RNF14: variants seen among roughly 807,000 people sequenced by gnomAD.
The protein encoded by RNF14 is E3 ubiquitin-protein ligase RNF14.
Under a neutral mutation model 52.6 loss-of-function variants are expected in RNF14, and 26 were observed. The observed-to-expected ratio is 0.49, with a 90% CI of 0.36 to 0.69. The LOEUF is 0.69. Ranked by LOEUF, RNF14 falls within the 30% of genes least tolerant of loss-of-function variation. RNF14 has a pLI of 0.00. For synonymous variants in RNF14, 194 were observed against 202.0 expected (o/e 0.96, Z 0.34); for missense variants, 404 against 560.4 (o/e 0.72, Z 2.82).
chr5:141,973,857 G>A (rs7723712), intron 3 of RNF14, 115 bp downstream of exon 3: 1 of 825,216 alleles, frequency 1.2e-6, no homozygotes, highest in Non-Finnish European at 1.8e-6. Flanking sequence ...GTATTACAGA[G>A]GTAATGCATG....
intron 2 of RNF14, among the ~76,000 whole-genome samples, chr5:141,971,670 C>T (rs1753798205): frequency 8.1e-6 from 1 of 124,128 alleles, no homozygotes; most frequent in Non-Finnish European, 1.6e-5. Flanking sequence ...GAGACAGAGT[C>T]TGTCTCTGTC....
rs1386076858 is a variant in RNF14 at position 141,980,311 on chromosome 5, G to A, written c.1023G>A (p.Arg341=). The A allele has an allele frequency of 1.2e-6, 2 of 1,614,176 alleles. No homozygotes were observed. Reference sequence around the variant, plus strand: ...ATTTTGCCTTCTGTACTTTGTGCAGGTTGACCTACCATGGGGTCTCCCCAT... The same window carrying A: ...ATTTTGCCTTCTGTACTTTGTGCAGATTGACCTACCATGGGGTCTCCCCAT... The part of the protein sequence containing the change: ...SCNFAFCTLC[R]LTYHGVSPCK... Residue 341 remains arginine, a synonymous_variant, in exon 6 of 9, where the codon AGG becomes AGA. Transcript: ENST00000394520.
intron 4 of RNF14, among the ~76,000 whole-genome samples, 195 bp downstream of exon 4, chr5:141,975,150 A>G (rs555015368): frequency 6.6e-6 from 1 of 152,386 alleles, no homozygotes; most frequent in African/African-American, 2.4e-5. Context: ...AAGGAATGGC[A>G]GTAATTAAAA....
At chr5:141,955,363 C>T (rs754901453), upstream of RNF14, 30 of 1,613,954 alleles carry the variant, frequency 1.9e-5, no homozygotes, top group Non-Finnish European at 2.2e-5. The surrounding 1 kb of genome is among the most constrained non-coding windows in gnomAD (Gnocchi z 5.5). Context: ...TCCCTGGTTG[C>T]CTTGATTACG....
intron 1 of RNF14, among the ~76,000 whole-genome samples, chr5:141,961,205 G>A (rs1561538208): frequency 6.6e-6 from 1 of 150,948 alleles, no homozygotes; most frequent in Admixed American, 6.6e-5. Context: ...ATATCTGTTG[G>A]GTGTGTGTGT....
chr5:141,958,064 C>T (rs3747724), upstream of RNF14: 6,000 of 586,496 alleles, frequency 0.01, 186 homozygotes, highest in East Asian at 0.091. Context: ...GTCCAAACGC[C>T]GATCAAGAAT....
upstream of RNF14, chr5:141,956,403 C>T (rs2126929163): frequency 6.2e-7 from 1 of 1,614,226 alleles, no homozygotes; most frequent in African/African-American, 1.3e-5. Context: ...CATCATGAGC[C>T]TTGATGGTAA....
rs763956128 is a variant in RNF14 at position 141,978,305 on chromosome 5, A to G, written c.309A>G (p.Leu103=). 2.1e-5 allele frequency: 33 copies of G among 1,574,000 alleles called. No homozygotes were observed. The South Asian group carries it at 3.5e-4, about 17-fold the overall frequency. The change falls in exon 5 of 9, where the codon CTA becomes CTG. Residue 103 remains leucine, a splice_region_variant and synonymous_variant. Coordinates refer to ENST00000394520, the MANE Select transcript of RNF14 (RefSeq NM_004290.5). ...CATCTTCATGTGTTTTCTCCTAGCTATCTGCTCTATGCAAGCACTTAGACA... is the reference window on the plus strand; with the variant it reads ...CATCTTCATGTGTTTTCTCCTAGCTGTCTGCTCTATGCAAGCACTTAGACA... ...LSGKWLSPTQ[L]SALCKHLDNL...
chr5:141,982,513 A>G (rs191953447), intron 6 of RNF14: 5 of 152,368 alleles, frequency 3.3e-5, no homozygotes, highest in Admixed American at 6.5e-5. Flanking sequence ...TAACTAGAAC[A>G]TTGTTGAGAA....
chr5:141,960,982 G>T (rs1158484867), intron 1 of RNF14, among the ~76,000 whole-genome samples: 1 of 152,142 alleles, frequency 6.6e-6, no homozygotes, highest in African/African-American at 2.4e-5. Flanking sequence ...GGTGCCTGGG[G>T]TTCATAAATA....
At chr5:141,957,539 G>A (rs369687918), upstream of RNF14, 4 of 1,614,086 alleles carry the variant, frequency 2.5e-6, no homozygotes, top group African/African-American at 5.3e-5. This position sits in a 1 kb window ranked among gnomAD's most constrained non-coding sequence, Gnocchi z 4.3. Flanking sequence ...AAGGAAACCA[G>A]GCAGGGATCC....
chr5:141,971,563 T>TTTTCTTTCTTTCTTTCTTTC (rs746341507), intron 2 of RNF14, among the ~76,000 whole-genome samples: 16 of 55,086 alleles, frequency 2.9e-4, no homozygotes, highest in African/African-American at 1.0e-3. Flanking sequence ...GCTAATTTCT[T>TTTTCTTTCTTTCTTTCTTTC]TTTCTTTCTT....
chr5:141,982,115 T>C (rs1192172471), intron 6 of RNF14, among the ~76,000 whole-genome samples: 1 of 152,196 alleles, frequency 6.6e-6, no homozygotes, highest in African/African-American at 2.4e-5. Context: ...ACATTTCAAG[T>C]GTTTCACAGC....
chr5:141,980,729 A>G (rs965917648), intron 6 of RNF14, among the ~76,000 whole-genome samples: 7 of 152,212 alleles, frequency 4.6e-5, no homozygotes, highest in Admixed American at 3.9e-4. Flanking sequence ...AAGGACTTGA[A>G]GGAGGTAAGA....
upstream of RNF14, among the ~76,000 whole-genome samples, chr5:141,964,435 A>C (rs1164698095): frequency 6.6e-6 from 1 of 152,220 alleles, no homozygotes. Context: ...TAGCTTTAAA[A>C]TAGGAATGAT....
chr5:141,987,044 C>G (rs1244794884), intron 8 of RNF14, among the ~76,000 whole-genome samples: 1 of 152,174 alleles, frequency 6.6e-6, no homozygotes, highest in East Asian at 1.9e-4. Context: ...GGAAGAAATG[C>G]TGGTCGGTTT....
intron 8 of RNF14, among the ~76,000 whole-genome samples, chr5:141,987,182 AG>A (rs1328265637): frequency 1.3e-5 from 2 of 152,074 alleles, no homozygotes; most frequent in Admixed American, 6.6e-5. Flanking sequence ...TCAGTGAGGG[AG>A]GGGGGTATGA....
chr5:141,978,939 G>A, intron 5 of RNF14, 109 bp downstream of exon 5: 1 of 1,181,312 alleles, frequency 8.5e-7, no homozygotes, highest in Non-Finnish European at 1.2e-6. Context: ...AGGCCTTGGA[G>A]CCAGCCCACA....
intron 1 of RNF14, among the ~76,000 whole-genome samples, chr5:141,961,006 C>T (rs1422066855): frequency 6.6e-6 from 1 of 152,148 alleles, no homozygotes; most frequent in Non-Finnish European, 1.5e-5. Flanking sequence ...ACAGCTCCAG[C>T]CCCGTGCTAC....
Sources: allele counts gnomAD v4.1 joint callset (sites outside exome capture counted in the v4.1 genomes callset), GRCh38; gene constraint gnomAD v4.1.1; non-coding constraint Gnocchi (gnomAD v3.1); transcripts MANE v1.5; gene names NCBI Gene and HGNC (gene_info 2026-07-23, HGNC 2026-07-21).